SPIDR: variants seen among roughly 807,000 people sequenced by gnomAD.
The protein encoded by SPIDR is DNA repair-scaffolding protein.
A neutral mutation model predicts 104.6 loss-of-function variants in SPIDR; 93 were observed. The ratio of observed to expected loss-of-function variants is 0.89; its 90% CI spans 0.75 to 1.06. The LOEUF (loss-of-function observed/expected upper bound fraction) is 1.06. Among genes scored for constraint, SPIDR ranks in the 50% least tolerant of loss-of-function variants. The probability of loss-of-function intolerance (pLI) is 0.00; values close to 1 mark genes in which losing one functional copy is unlikely to be tolerated. For missense variants in SPIDR, 1,154 were observed against 1,111.2 expected (o/e 1.04, Z -0.55); for synonymous variants, 431 against 416.9 (o/e 1.03, Z -0.41).
At chr8:47,520,416 G>A (rs1222795107) in intron 8 of SPIDR, among the ~76,000 whole-genome samples, 1 of 152,136 alleles carries the variant, frequency 6.6e-6, no homozygotes, top group Non-Finnish European at 1.5e-5. Flanking sequence ...TTTTATGCTT[G>A]TATCAAGCAA....
chr8:47,359,247 C>T (rs1587654274), intron 5 of SPIDR, among the ~76,000 whole-genome samples: 2 of 120,782 alleles, frequency 1.7e-5, no homozygotes, highest in Admixed American at 8.9e-5. Context: ...AGCGAGACTC[C>T]GTCTCAAAAA....
chr8:47,660,154 T>C (rs1326555359), intron 10 of SPIDR, among the ~76,000 whole-genome samples: 1 of 152,242 alleles, frequency 6.6e-6, no homozygotes, highest in Non-Finnish European at 1.5e-5. Flanking sequence ...CCCTACAAAA[T>C]TAAGAGTTTT....
intron 11 of SPIDR, among the ~76,000 whole-genome samples, chr8:47,678,264 T>C (rs991736959): frequency 3.3e-5 from 5 of 152,274 alleles, no homozygotes; most frequent in South Asian, 2.1e-4. Context: ...AGGGTCGATA[T>C]GAGTTTTTGA....
At chr8:47,319,739 A>T (rs556996974) in intron 5 of SPIDR, among the ~76,000 whole-genome samples, 2 of 152,266 alleles carry the variant, frequency 1.3e-5, no homozygotes, top group East Asian at 3.9e-4. Context: ...AAATTATAAC[A>T]AACTGTCTCT....
chr8:47,713,077 C>T (rs572326841), intron 15 of SPIDR: 227 of 1,307,132 alleles, frequency 1.7e-4, no homozygotes, highest in Non-Finnish European at 2.0e-4. Context: ...CATGGAGATG[C>T]TGTGCTCACT....
At chr8:47,727,024 T>A (rs2084346218) in intron 16 of SPIDR, among the ~76,000 whole-genome samples, 176 bp from the exon 17 acceptor site, 1 of 152,368 alleles carries the variant, frequency 6.6e-6, no homozygotes, top group South Asian at 2.1e-4. Flanking sequence ...CTTATTGTTA[T>A]AATTTTTCTT....
intron 8 of SPIDR, among the ~76,000 whole-genome samples, chr8:47,487,921 C>A (rs2077975476): frequency 6.6e-6 from 1 of 152,106 alleles, no homozygotes; most frequent in Admixed American, 6.5e-5. Context: ...CTAAAATTGA[C>A]ACCCTAACAT....
At chr8:47,571,639 C>T (rs1392210111) in intron 8 of SPIDR, among the ~76,000 whole-genome samples, 6 of 152,084 alleles carry the variant, frequency 3.9e-5, no homozygotes, top group Admixed American at 2.0e-4. Context: ...ATACTAGTGC[C>T]GCCTTATTCA....
At chr8:47,665,885 C>T (rs553333930) in intron 10 of SPIDR, among the ~76,000 whole-genome samples, 1 of 152,320 alleles carries the variant, frequency 6.6e-6, no homozygotes, top group South Asian at 2.1e-4. Flanking sequence ...TTTTGAGAAA[C>T]ACCTATTAAT....
Position 47,659,743 on chromosome 8 carries a change from T to C in SPIDR, c.1545-14058T>C, listed in dbSNP as rs1214242276. On this transcript the variant is annotated intron_variant, in intron 10 of 19. Coordinates refer to ENST00000297423, the MANE Select transcript of SPIDR (RefSeq NM_001080394.4). ...CCCTTTTTTTCTCTCTCTCTTCTTA[T>C]CACTTCATCCTCTGATTTCTTGGTT... 3.0e-6 allele frequency: 3 copies of C among 984,638 alleles called. No homozygotes were observed. The East Asian group carries it at 3.4e-4, about 112-fold the overall frequency. 61.0% of individuals were successfully genotyped at this position (984,638 alleles called of 1,614,324 possible). A position where few individuals can be genotyped will look rare whatever the true frequency, so the allele number is the denominator to read the frequency against.
chr8:47,610,350 C>G (rs142920627), intron 10 of SPIDR, among the ~76,000 whole-genome samples: 248 of 152,294 alleles, frequency 1.6e-3, no homozygotes, highest in African/African-American at 5.8e-3. Flanking sequence ...CCATGGGAGA[C>G]AGAGCACACA....
chr8:47,283,710 A>T (rs2038263271), intron 2 of SPIDR, among the ~76,000 whole-genome samples: 4 of 152,234 alleles, frequency 2.6e-5, no homozygotes, highest in Admixed American at 1.3e-4. Context: ...TAATGCTATT[A>T]CAAATTCAAG....
chr8:47,464,113 TAC>T (rs113515816), intron 8 of SPIDR, among the ~76,000 whole-genome samples: 71,848 of 142,914 alleles, frequency 0.5, 18,639 homozygotes, highest in East Asian at 0.68. Context: ...CTAAAGATTA[TAC>T]ACACACACAC....
At chr8:47,520,301 G>A (rs1002870090) in intron 8 of SPIDR, among the ~76,000 whole-genome samples, 1 of 152,152 alleles carries the variant, frequency 6.6e-6, no homozygotes, top group Non-Finnish European at 1.5e-5. Flanking sequence ...ACGTGTGTAA[G>A]CCCCATAGAT....
intron 5 of SPIDR, among the ~76,000 whole-genome samples, chr8:47,347,620 A>AT (rs2052414055): frequency 6.6e-6 from 1 of 152,068 alleles, no homozygotes; most frequent in South Asian, 2.1e-4. Context: ...GACTTGCTTT[A>AT]TGAATCTGGG....
Position 47,729,011 on chromosome 8 carries a change from C to G in SPIDR, c.2514C>G (p.Asp838Glu), listed in dbSNP as rs774079840. 2 of 1,614,018 alleles carry G rather than the reference C, an allele frequency of 1.2e-6. No individual in the cohort carries two copies. The highest frequency in any genetic ancestry group is 2.2e-5 in the South Asian group (2 of 91,086). The change falls in exon 18 of 20, where the codon GAC becomes GAG. Residue 838 changes from aspartate (D) to glutamate (E), a missense_variant. Asp to Glu is a conservative substitution (Grantham distance 45, BLOSUM62 2). Transcript: ENST00000297423. ...VLKRHLQVFL[D>E]CRSRPQCRVK... ...AGAGGCACCTGCAGGTCTTCCTGGA[C>G]TGCCGCTCAAGACCGCAGTGCAGAG... is the stretch of plus-strand genomic sequence containing the variant.
At chr8:47,613,526 A>G (rs559291426) in intron 10 of SPIDR, among the ~76,000 whole-genome samples, 79 of 151,388 alleles carry the variant, frequency 5.2e-4, no homozygotes, top group Admixed American at 1.4e-3. Context: ...GGAGTAAGTT[A>G]CTGGGTCATA....
chr8:47,336,965 C>A (rs1224326236), intron 5 of SPIDR, among the ~76,000 whole-genome samples: 1 of 152,170 alleles, frequency 6.6e-6, no homozygotes, highest in Non-Finnish European at 1.5e-5. Context: ...TTATAGCATT[C>A]TAAGTGGGTG....
At chr8:47,559,671 T>A (rs2056830351) in intron 8 of SPIDR, among the ~76,000 whole-genome samples, 1 of 152,222 alleles carries the variant, frequency 6.6e-6, no homozygotes, top group East Asian at 1.9e-4. Context: ...CTATGCCTGT[T>A]GGAGTGGGTT....
Sources: allele counts gnomAD v4.1 joint callset (sites outside exome capture counted in the v4.1 genomes callset), GRCh38; gene constraint gnomAD v4.1.1; transcripts MANE v1.5; gene names NCBI Gene and HGNC (gene_info 2026-07-23, HGNC 2026-07-21).